The following PAFAH2 variants were observed in gnomAD, a reference collection of about 807,000 sequenced individuals.
PAFAH2 encodes platelet activating factor acetylhydrolase 2.
A neutral mutation model predicts 49.0 loss-of-function variants in PAFAH2; 42 were observed. The ratio of observed to expected loss-of-function variants is 0.86; its 90% CI spans 0.67 to 1.11. PAFAH2 has a LOEUF of 1.11. Ranked by LOEUF, PAFAH2 falls within the 50% of genes least tolerant of loss-of-function variation. The pLI is 0.00. For missense variants in PAFAH2, 503 were observed against 501.8 expected, an observed-to-expected ratio of 1.00 and a Z score of -0.02; for synonymous variants, 184 against 181.3, an observed-to-expected ratio of 1.01 and a Z score of -0.12.
chr1:25,984,250 TAG>T, intron 5 of PAFAH2, 163 bp from the exon 6 acceptor site: 1 of 872,016 alleles, frequency 1.1e-6, no homozygotes, highest in South Asian at 1.7e-5. Flanking sequence ...ATACAGATTT[TAG>T]AGACAGACCT....
intron 1 of PAFAH2, among the ~76,000 whole-genome samples, 178 bp downstream of exon 1, chr1:25,997,847 G>T (rs886195400): frequency 1.3e-5 from 2 of 152,162 alleles, no homozygotes; most frequent in Non-Finnish European, 2.9e-5. Flanking sequence ...AGTGCGAGGC[G>T]ACCGTGGGAG....
intron 10 of PAFAH2, among the ~76,000 whole-genome samples, chr1:25,970,411 G>A (rs2049489211): frequency 6.6e-6 from 1 of 152,222 alleles, no homozygotes; most frequent in Non-Finnish European, 1.5e-5. Context: ...CCAGGAGGTT[G>A]AGGTTGCAGT....
chr1:25,977,183 C>T (rs1287213340), intron 7 of PAFAH2, among the ~76,000 whole-genome samples: 3 of 150,952 alleles, frequency 2.0e-5, no homozygotes, highest in South Asian at 4.2e-4. Flanking sequence ...CTACCACGCC[C>T]GGCTAATTTT....
chr1:25,967,402 T>C (rs1002984675), intron 10 of PAFAH2, among the ~76,000 whole-genome samples: 6 of 152,096 alleles, frequency 3.9e-5, no homozygotes, highest in East Asian at 3.9e-4. Flanking sequence ...CAGCATGGAG[T>C]TGGCACGGAA....
intron 3 of PAFAH2, among the ~76,000 whole-genome samples, chr1:25,989,247 T>C (rs2049835876): frequency 6.6e-6 from 1 of 152,186 alleles, no homozygotes; most frequent in Non-Finnish European, 1.5e-5. Flanking sequence ...AGTCTGGATT[T>C]GAATCCAGGA....
Position 25,972,579 on chromosome 1 carries a change from C to A in PAFAH2, c.1063G>T (p.Ala355Ser), listed in dbSNP as rs368554103. The A allele has an allele frequency of 1.2e-6, 2 of 1,613,776 alleles. No individual in the cohort carries two copies. The highest frequency in any genetic ancestry group is 2.2e-5 in the South Asian group (2 of 91,064). The change falls in exon 10 of 11, where the codon GCC becomes TCC. Residue 355 changes from alanine (A) to serine (S), a missense_variant. Coordinates refer to ENST00000374282, the MANE Select transcript of PAFAH2 (RefSeq NM_000437.4). ...TTACCGAGGTGCTTCTGCAGGAAGG[C>A]CAACATGGCCCGTACCATAACCTCC... ...GQEVMVRAMLAFLQKHLDLKE... is the reference protein window; with the variant it reads ...GQEVMVRAMLSFLQKHLDLKE...
At chr1:25,966,427 T>A (rs1328197846) in intron 10 of PAFAH2, among the ~76,000 whole-genome samples, 1 of 150,952 alleles carries the variant, frequency 6.6e-6, no homozygotes, top group Non-Finnish European at 1.5e-5. Context: ...TACCATGGGA[T>A]ACTACTCAGT....
chr1:25,984,408 C>T, intron 5 of PAFAH2, 52 bp downstream of exon 5: 1 of 1,307,518 alleles, frequency 7.6e-7, no homozygotes, highest in East Asian at 2.3e-5. Context: ...AGGGGACTAG[C>T]CTATATCCTA....
Position 25,961,840 on chromosome 1 carries a change from C to T in PAFAH2, c.*149G>A. On this transcript the variant is annotated 3_prime_UTR_variant, in exon 11 of 11. Transcript: ENST00000374282. ...TAAGATCAAATCTAAGATCAAAGTA[C>T]CCAGTTATCCAAGCAGCAGTGTGAT... 1 of 580,546 alleles carries T rather than the reference C, an allele frequency of 1.7e-6. No individual in the cohort carries two copies. The highest frequency in any genetic ancestry group is 2.8e-5 in the East Asian group (1 of 35,640). 36.0% of individuals were successfully genotyped at this position (580,546 alleles called of 1,614,324 possible).
chr1:25,962,192 C>A (rs1572334877), intron 10 of PAFAH2, 109 bp from the exon 11 acceptor site: 11 of 789,384 alleles, frequency 1.4e-5, no homozygotes, highest in South Asian at 1.9e-5. Context: ...GCCTGGGATA[C>A]CAAAAGGACT....
intron 10 of PAFAH2, among the ~76,000 whole-genome samples, chr1:25,967,904 G>A (rs978008936): frequency 6.6e-6 from 1 of 152,082 alleles, no homozygotes; most frequent in African/African-American, 2.4e-5. Context: ...GGTAGCTCAC[G>A]CCTGTAATCC....
intron 10 of PAFAH2, among the ~76,000 whole-genome samples, chr1:25,965,210 T>A (rs975997727): frequency 3.9e-5 from 6 of 152,130 alleles, no homozygotes; most frequent in Admixed American, 6.5e-5. Context: ...TGGATAGCCA[T>A]ATGAAGAAGA....
chr1:25,983,714 T>C (rs1319769775), intron 6 of PAFAH2, among the ~76,000 whole-genome samples: 1 of 152,190 alleles, frequency 6.6e-6, no homozygotes, highest in Admixed American at 6.5e-5. Flanking sequence ...TCCTACAGTC[T>C]ACTTATATGA....
In PAFAH2 at chr1:25,974,580, C is replaced by T. The variant is rs765605666; in HGVS notation, c.829G>A (p.Val277Met). Residue 277 changes from valine to methionine, a missense_variant, in exon 9 of 11, where the codon GTG becomes ATG. Val to Met is a conservative substitution (Grantham distance 21, BLOSUM62 1). Coordinates refer to ENST00000374282, the MANE Select transcript of PAFAH2 (RefSeq NM_000437.4). ...RDFYPKARGP[V>M]FFINTEKFQT... The stretch of plus-strand genomic sequence containing the variant: ...AATTTCTCAGTATTGATAAAGAACA[C>T]AGGTCCTCGGGCCTTGGGGTAAAAG... The T allele has an allele frequency of 9.9e-6, 16 of 1,614,144 alleles. No homozygotes were observed. The African/African-American group carries it at 1.7e-4, about 17-fold the overall frequency.
At chr1:25,985,031 G>A (rs1200171184) in intron 4 of PAFAH2, among the ~76,000 whole-genome samples, 7 of 151,386 alleles carry the variant, frequency 4.6e-5, no homozygotes, top group Admixed American at 3.3e-4. Context: ...ATTTTTTTTT[G>A]TATTTTTAGT....
rs149277225 is a variant in PAFAH2 at position 25,983,494 on chromosome 1, C to T, written c.552+452G>A. On this transcript the variant is annotated intron_variant, in intron 6 of 10. Transcript: ENST00000374282. ...ATCTCTTGAGCCCAGAAGATTGAGA[C>T]TGCAGTGAGCCATGATCATGCCACT... is the stretch of plus-strand genomic sequence containing the variant. 8.1e-4 allele frequency among the ~76,000 whole-genome samples: 122 copies of T among 150,954 alleles called. 2 individuals are homozygous for T. The East Asian group carries it at 0.012, about 15-fold the overall frequency.
intron 7 of PAFAH2, among the ~76,000 whole-genome samples, 181 bp from the exon 8 acceptor site, chr1:25,976,954 T>C (rs1572349907): frequency 6.6e-6 from 1 of 151,038 alleles, no homozygotes; most frequent in Admixed American, 6.6e-5. Context: ...AGTCAAGCAA[T>C]CCTTAGACTG....
At chr1:25,978,954 G>A (rs2049637541) in intron 7 of PAFAH2, among the ~76,000 whole-genome samples, 1 of 152,196 alleles carries the variant, frequency 6.6e-6, no homozygotes, top group African/African-American at 2.4e-5. Context: ...TCAAACTTTT[G>A]CCATAACAAA....
intron 1 of PAFAH2, among the ~76,000 whole-genome samples, chr1:25,997,168 C>T (rs1329990661): frequency 6.6e-6 from 1 of 152,220 alleles, no homozygotes; most frequent in African/African-American, 2.4e-5. Flanking sequence ...CTTGTGCTTC[C>T]TTTCAGACAA....
Sources: gnomAD v4.1 joint callset for allele counts (sites outside exome capture counted in the v4.1 genomes callset) on GRCh38, gnomAD v4.1.1 for gene constraint, MANE v1.5 for transcripts, NCBI Gene and HGNC (gene_info 2026-07-23, HGNC 2026-07-21) for gene names.